The following NRG1 variants were observed in gnomAD, a reference collection of about 807,000 sequenced individuals.
NRG1 encodes neuregulin 1.
In NRG1, 18 loss-of-function variants were observed where a neutral mutation model predicts 63.8. The ratio of observed to expected loss-of-function variants is 0.28; its 90% confidence interval spans 0.19 to 0.42. The LOEUF is 0.42. NRG1 is among the 10% of genes least tolerant of loss of function. The pLI is 1.00. For missense variants in NRG1, 762 were observed against 814.7 expected, an observed-to-expected ratio of 0.94 and a Z score of 0.79; for synonymous variants, 302 against 301.3, an observed-to-expected ratio of 1.00 and a Z score of -0.02.
intron 7 of NRG1, among the ~76,000 whole-genome samples, chr8:32,748,496 A>G (rs1304081053): frequency 6.6e-6 from 1 of 150,842 alleles, no homozygotes; most frequent in African/African-American, 2.4e-5. Context: ...TATTTTTTTT[A>G]TTTTTTTGGG....
intron 1 of NRG1, among the ~76,000 whole-genome samples, chr8:32,344,905 G>C (rs990264886): frequency 2.0e-5 from 3 of 152,132 alleles, no homozygotes; most frequent in Non-Finnish European, 2.9e-5. Flanking sequence ...TACTGATCTA[G>C]AAGACGGATC....
At chr8:31,981,508 G>A (rs576050988) in intron 1 of NRG1, among the ~76,000 whole-genome samples, 1 of 152,100 alleles carries the variant, frequency 6.6e-6, no homozygotes, top group Admixed American at 6.6e-5. Flanking sequence ...TTTCCACCTT[G>A]CAAATAGAAG....
At chr8:32,330,042 A>T (rs1026397090) in intron 1 of NRG1, among the ~76,000 whole-genome samples, 480 of 8,980 alleles carry the variant, frequency 0.053, 2 homozygotes, top group Middle Eastern at 0.091. Context: ...CTAGCTAATT[A>T]AAAAAAAAAA....
intron 1 of NRG1, among the ~76,000 whole-genome samples, chr8:31,655,476 C>T (rs1202480122): frequency 1.3e-5 from 2 of 152,106 alleles, no homozygotes; most frequent in African/African-American, 4.8e-5. Context: ...GAAAGATTTG[C>T]ATTTCCAACC....
At chr8:31,706,718 C>CT (rs1456302773) in intron 1 of NRG1, among the ~76,000 whole-genome samples, 1 of 152,114 alleles carries the variant, frequency 6.6e-6, no homozygotes, top group Admixed American at 6.5e-5. Flanking sequence ...TGTTGTCAGC[C>CT]TTTGGCATTT....
intron 1 of NRG1, among the ~76,000 whole-genome samples, chr8:31,934,244 A>G (rs1436687549): frequency 2.6e-5 from 4 of 152,094 alleles, no homozygotes; most frequent in African/African-American, 9.7e-5. Context: ...CATGTGGCTT[A>G]CGTACACTTG....
Position 32,633,681 on chromosome 8 carries a change from A to G in NRG1, c.502+16796A>G, listed in dbSNP as rs533376097. Among the ~76,000 whole-genome samples, 5 of 152,320 alleles carry G rather than the reference A, an allele frequency of 3.3e-5. No individual in the cohort carries two copies. The East Asian group carries it at 9.6e-4, about 29-fold the overall frequency. ...CCTTTGTGCCCACCTAAGATTAGGAAAACTAAATCTTCCACTAGAATTTAA... is the reference window on the plus strand; with the variant it reads ...CCTTTGTGCCCACCTAAGATTAGGAGAACTAAATCTTCCACTAGAATTTAA... On this transcript the variant is annotated intron_variant, in intron 5 of 11. Transcript: ENST00000356819.
chr8:32,613,988 G>T (rs1846844237), intron 3 of NRG1, among the ~76,000 whole-genome samples: 1 of 152,006 alleles, frequency 6.6e-6, no homozygotes, highest in African/African-American at 2.4e-5. Context: ...GGTAGCTAAT[G>T]TCTATCATAT....
chr8:32,752,427 G>A (rs1302277282), intron 7 of NRG1, among the ~76,000 whole-genome samples: 6 of 152,280 alleles, frequency 3.9e-5, no homozygotes, highest in East Asian at 1.9e-4. Context: ...CACAAAATCC[G>A]TGATACCAAC....
Position 32,715,127 on chromosome 8 carries a change from T to G in NRG1, c.503-12822T>G, listed in dbSNP as rs564463081. 5.7e-4 allele frequency among the ~76,000 whole-genome samples: 86 copies of G among 152,172 alleles called. 1 individual carries two copies. The South Asian group carries it at 1.0e-2, about 18-fold the overall frequency. On this transcript the variant is annotated intron_variant, in intron 5 of 11. Coordinates refer to ENST00000356819, the Ensembl canonical transcript of NRG1. ...ACGCACCACCATGCTCAGCTAATTT[T>G]TAAAATTGTTGTAAAGACAGGGCCT... is the stretch of plus-strand genomic sequence containing the variant.
intron 1 of NRG1, among the ~76,000 whole-genome samples, chr8:32,351,989 CTG>C (rs1018277545): frequency 6.7e-6 from 1 of 148,556 alleles, no homozygotes; most frequent in African/African-American, 2.5e-5. Flanking sequence ...CTTCAGCTCT[CTG>C]TGCTTTGTCT....
chr8:32,041,299 C>T (rs1159525648), intron 1 of NRG1, among the ~76,000 whole-genome samples: 1 of 152,148 alleles, frequency 6.6e-6, no homozygotes, highest in Non-Finnish European at 1.5e-5. Context: ...GGTATTTACC[C>T]TGTTCAAAAA....
At chr8:32,548,258 G>A (rs976217765), upstream of NRG1, 4 of 986,204 alleles carry the variant, frequency 4.1e-6, no homozygotes, top group African/African-American at 7.0e-5. Flanking sequence ...ACCTGCGGGC[G>A]GGAGGTGGGT....
chr8:32,410,600 A>G (rs1814777250), intron 1 of NRG1, among the ~76,000 whole-genome samples: 1 of 152,204 alleles, frequency 6.6e-6, no homozygotes, highest in Non-Finnish European at 1.5e-5. Context: ...CACTTTCAGC[A>G]CATGACCATT....
At chr8:32,244,453 A>C (rs1407903666) in intron 1 of NRG1, among the ~76,000 whole-genome samples, 1 of 152,208 alleles carries the variant, frequency 6.6e-6, no homozygotes, top group Non-Finnish European at 1.5e-5. Context: ...GTATTGTCAA[A>C]GTCAGTGTAC....
At chr8:32,721,397 A>T (rs187032364) in intron 5 of NRG1, among the ~76,000 whole-genome samples, 23 of 152,292 alleles carry the variant, frequency 1.5e-4, no homozygotes, top group Admixed American at 5.9e-4. Flanking sequence ...TAGGAAGTCT[A>T]CAAACCTCTA....
chr8:31,758,280 A>G (rs1481660085), intron 1 of NRG1, among the ~76,000 whole-genome samples: 2 of 151,586 alleles, frequency 1.3e-5, no homozygotes, highest in African/African-American at 4.8e-5. Context: ...TCATTGTTCA[A>G]CTCCCACTTA....
chr8:32,385,215 A>C (rs990002829), intron 1 of NRG1, among the ~76,000 whole-genome samples: 2 of 151,596 alleles, frequency 1.3e-5, no homozygotes, highest in Admixed American at 6.6e-5. Context: ...TTTAGTAGAG[A>C]CAGGGTTTCA....
At chr8:32,169,909 G>A (rs183115034) in intron 1 of NRG1, among the ~76,000 whole-genome samples, 2 of 152,178 alleles carry the variant, frequency 1.3e-5, no homozygotes, top group African/African-American at 2.4e-5. Flanking sequence ...TAAAGATGAG[G>A]TTATACTCAA....
Sources: allele counts gnomAD v4.1 joint callset (sites outside exome capture counted in the v4.1 genomes callset), GRCh38; gene constraint gnomAD v4.1.1; transcripts MANE v1.5; gene names NCBI Gene and HGNC (gene_info 2026-07-23, HGNC 2026-07-21).